Variants in ASXL3 observed in about 807,000 individuals in gnomAD.
ASXL3 encodes the protein ASXL transcriptional regulator 3, also known as putative Polycomb group protein ASXL3.
Under a neutral mutation model 170.6 loss-of-function variants are expected in ASXL3, and 34 were observed. The observed-to-expected ratio is 0.20, with a 90% confidence interval of 0.15 to 0.27. The LOEUF is 0.27. Ranked by LOEUF, ASXL3 falls within the 10% of genes least tolerant of loss-of-function variation. The pLI, the probability that ASXL3 is intolerant of heterozygous loss-of-function variation, is 1.00. For missense variants in ASXL3, 2,592 were observed against 2,695.3 expected, an observed-to-expected ratio of 0.96 and a Z score of 0.85; for synonymous variants, 1,002 against 989.1, an observed-to-expected ratio of 1.01 and a Z score of -0.24.
chr18:33,593,823 T>C (rs2065101189), intron 1 of ASXL3, among the ~76,000 whole-genome samples: 1 of 152,206 alleles, frequency 6.6e-6, no homozygotes, highest in African/African-American at 2.4e-5. Context: ...TCAGCCTATA[T>C]ATGGGTATGC....
intron 2 of ASXL3, among the ~76,000 whole-genome samples, chr18:33,642,445 G>T (rs914811826): frequency 6.6e-6 from 1 of 151,744 alleles, no homozygotes; most frequent in Non-Finnish European, 1.5e-5. Flanking sequence ...AATGAAACTC[G>T]TGTGCTTAAA....
At chr18:33,644,764 C>A in intron 2 of ASXL3, 130 bp from the exon 3 acceptor site, 2 of 497,268 alleles carry the variant, frequency 4.0e-6, no homozygotes, top group Non-Finnish European at 6.8e-6. Flanking sequence ...TTTTAAAAGG[C>A]ATGCAAAGAG....
intron 8 of ASXL3, among the ~76,000 whole-genome samples, chr18:33,721,227 T>G (rs941017061): frequency 6.6e-6 from 1 of 152,046 alleles, no homozygotes; most frequent in Non-Finnish European, 1.5e-5. Flanking sequence ...TCTGCTGATT[T>G]GGAAATTTAG....
At chr18:33,618,004 A>G (rs778863997) in intron 2 of ASXL3, among the ~76,000 whole-genome samples, 15 of 152,102 alleles carry the variant, frequency 9.9e-5, no homozygotes, top group Non-Finnish European at 2.2e-4. Flanking sequence ...GAATGATTTT[A>G]GTTTTGCTTC....
intron 2 of ASXL3, among the ~76,000 whole-genome samples, chr18:33,634,463 A>G (rs1219434711): frequency 2.2e-4 from 34 of 152,070 alleles, no homozygotes; most frequent in Admixed American, 2.2e-3. Context: ...TTATGAATCT[A>G]TAGGGGAAAT....
intron 8 of ASXL3, among the ~76,000 whole-genome samples, chr18:33,714,982 A>G (rs117609419): frequency 2.0e-5 from 3 of 152,294 alleles, no homozygotes; most frequent in Non-Finnish European, 4.4e-5. Flanking sequence ...CAAAGCTTCA[A>G]ATCCCAGTGA....
rs749052067 is a variant in ASXL3, at chr18:33,749,542, T to C, written c.*2947T>C. The C allele has an allele frequency of 6.6e-6, 1 of 152,064 alleles. No homozygotes were observed. Among genetic ancestry groups the C allele is most frequent in the Non-Finnish European group, 1.5e-5 (1 of 68,012 alleles). 9.4% of individuals were successfully genotyped at this position (152,064 alleles called of 1,614,324 possible). A position where few individuals can be genotyped will look rare whatever the true frequency, so the allele number is the denominator to read the frequency against. On this transcript the variant is annotated 3_prime_UTR_variant, in exon 12 of 12. Coordinates refer to ENST00000269197, the MANE Select transcript of ASXL3 (RefSeq NM_030632.3). ...TCCCTAATCCTCCTCCTATAAGATATGCATATGCCTGAGGTGTATAAAGAC... is the reference window on the plus strand; with the variant it reads ...TCCCTAATCCTCCTCCTATAAGATACGCATATGCCTGAGGTGTATAAAGAC...
At position 33,740,127 on chromosome 18, in the gene ASXL3, T is replaced by C. The variant is rs2067634452; in HGVS notation, c.2723T>C (p.Ile908Thr). 2 of 1,613,802 alleles carry C rather than the reference T, an allele frequency of 1.2e-6. No homozygotes were observed. The highest frequency in any genetic ancestry group is 2.2e-5 in the South Asian group (2 of 91,084). The stretch of plus-strand genomic sequence containing the variant: ...GCTAAATTACAGGACAAGCAATATA[T>C]CTCATCAGTGGATAAGGCTCCATTT... ...PSAKLQDKQY[I>T]SSVDKAPFSE... Residue 908 changes from isoleucine (I) to threonine (T), a missense_variant, in exon 11 of 12, where the codon ATC becomes ACC. Around this residue, in one of 4 missense-constraint regions of ASXL3, gnomAD observed 2,246 missense variants for 2,219.6 expected, o/e 1.01. Transcript: ENST00000269197.
chr18:33,578,427 TCCACC>T lies in ASXL3; in HGVS notation c.-197_-193del, dbSNP rs1350654213. 1.0e-4 allele frequency: 5 copies of T among 49,996 alleles called. No homozygotes were observed. Among genetic ancestry groups the T allele is most frequent in the African/African-American group, 4.4e-4 (5 of 11,366 alleles). 3.1% of individuals were successfully genotyped at this position (49,996 alleles called of 1,614,324 possible). ...GCCGCCGTCGCGCGCCCCCACCCAC[TCCACC>T]CCACCCCCTCGCTCCATCCCTCCCA... On this transcript the variant is annotated 5_prime_UTR_variant, in exon 1 of 12. Coordinates refer to ENST00000269197, the MANE Select transcript of ASXL3 (RefSeq NM_030632.3).
At chr18:33,621,602 C>T in intron 2 of ASXL3, among the ~76,000 whole-genome samples, 1 of 152,074 alleles carries the variant, frequency 6.6e-6, no homozygotes, top group Non-Finnish European at 1.5e-5. Context: ...GGACCTCACC[C>T]AAAGGAAGAC....
At chr18:33,613,141 C>T (rs1188072149) in intron 2 of ASXL3, among the ~76,000 whole-genome samples, 1 of 152,090 alleles carries the variant, frequency 6.6e-6, no homozygotes, top group Non-Finnish European at 1.5e-5. Flanking sequence ...TTTTACTTGT[C>T]ATCATTACTC....
chr18:33,744,818 C>G lies in ASXL3; in HGVS notation c.4970C>G (p.Pro1657Arg). 1 of 1,613,996 alleles carries G rather than the reference C, an allele frequency of 6.2e-7. No individual in the cohort carries two copies. The highest frequency in any genetic ancestry group is 2.2e-5 in the East Asian group (1 of 44,888). ...TACTTGAACGTGTCAGAACTTCATC[C>G]CAGGAATCTTGTAACAAATGTTGCT... Reference protein sequence around the residue: ...ANYLNVSELHPRNLVTNVALP... With the variant: ...ANYLNVSELHRRNLVTNVALP... The change falls in exon 12 of 12, where the codon CCC becomes CGC. Residue 1657 changes from proline to arginine, a missense_variant. Around this residue, in one of 4 missense-constraint regions of ASXL3, gnomAD observed 2,246 missense variants for 2,219.6 expected, o/e 1.01. Transcript: ENST00000269197.
intron 2 of ASXL3, among the ~76,000 whole-genome samples, chr18:33,638,734 T>G (rs143797461): frequency 1.2e-3 from 185 of 152,256 alleles, no homozygotes; most frequent in African/African-American, 4.2e-3. Flanking sequence ...TGAATCTCAG[T>G]CATGTCTATA....
chr18:33,714,552 C>T (rs1484233369), intron 8 of ASXL3, among the ~76,000 whole-genome samples: 1 of 152,170 alleles, frequency 6.6e-6, no homozygotes, highest in African/African-American at 2.4e-5. Flanking sequence ...ACACATGGTT[C>T]GTTCTAACTC....
In ASXL3 at chr18:33,746,646, G is replaced by GCAT; in HGVS notation, c.*54_*56dup. The GCAT allele has an allele frequency of 1.3e-6, 2 of 1,507,646 alleles. No homozygotes were observed. The highest frequency in any genetic ancestry group is 1.8e-6 in the Non-Finnish European group (2 of 1,134,500). The allele number at this position is 1,507,646 out of a possible 1,614,324, so 93.4% of individuals were successfully genotyped here. On this transcript the variant is annotated 3_prime_UTR_variant, in exon 12 of 12. Transcript: ENST00000269197. ...CTTTTCCACACGGAAAAGCCAAATAGCATCAGCAACAACAAATAGAATAAT... is the reference window on the plus strand; with the variant it reads ...CTTTTCCACACGGAAAAGCCAAATAGCATCATCAGCAACAACAAATAGAATAAT...
At chr18:33,601,032 A>G (rs774104444) in intron 1 of ASXL3, among the ~76,000 whole-genome samples, 1 of 152,132 alleles carries the variant, frequency 6.6e-6, no homozygotes, top group Non-Finnish European at 1.5e-5. Flanking sequence ...ATCTAAAAGC[A>G]TGCCATGAGG....
In ASXL3 at chr18:33,744,005, C is replaced by T; in HGVS notation, c.4157C>T (p.Ser1386Phe). The change falls in exon 12 of 12, where the codon TCC becomes TTC. Residue 1386 changes from serine to phenylalanine, a missense_variant. Coordinates refer to ENST00000269197, the MANE Select transcript of ASXL3 (RefSeq NM_030632.3). ...GGGAGTGAAGAACAGGCCACTGTAT[C>T]CATGGGTACCACTGTGAGAGCAGCC... ...IPGSEEQATV[S>F]MGTTVRAALS... is the part of the protein sequence containing the mutation. 6.2e-7 allele frequency: 1 copy of T among 1,614,038 alleles called. No individual in the cohort carries two copies. Among genetic ancestry groups the T allele is most frequent in the Non-Finnish European group, 8.5e-7 (1 of 1,179,904 alleles).
intron 2 of ASXL3, among the ~76,000 whole-genome samples, chr18:33,637,352 CA>C (rs1224152177): frequency 6.6e-6 from 1 of 152,026 alleles, no homozygotes; most frequent in Non-Finnish European, 1.5e-5. Context: ...CAGGATTTTT[CA>C]GAGACTTCAA....
chr18:33,653,435 C>G (rs893473150), intron 4 of ASXL3, among the ~76,000 whole-genome samples: 2 of 152,058 alleles, frequency 1.3e-5, no homozygotes, highest in African/African-American at 4.8e-5. Context: ...CATGGAGACA[C>G]CTGCTCTACA....
Sources: allele counts gnomAD v4.1 joint callset (sites outside exome capture counted in the v4.1 genomes callset), GRCh38; gene constraint gnomAD v4.1.1; regional missense constraint gnomAD v4.1.1; transcripts MANE v1.5; gene names NCBI Gene and HGNC (gene_info 2026-07-23, HGNC 2026-07-21).